KDM6A: variants seen among roughly 807,000 people sequenced by gnomAD.
KDM6A encodes the protein lysine demethylase 6A.
Under a neutral mutation model 117.6 loss-of-function variants are expected in KDM6A, and 11 were observed. That is an observed-to-expected ratio of 0.09 (90% CI 0.06 to 0.15). KDM6A has a LOEUF of 0.15. KDM6A is among the 10% of genes least tolerant of loss of function. The pLI, the probability that KDM6A is intolerant of heterozygous loss-of-function variation, is 1.00. For synonymous variants in KDM6A, 384 were observed against 396.1 expected (o/e 0.97, Z 0.36); for missense variants, 799 against 1,077.3 (o/e 0.74, Z 3.62).
chrX:44,953,932 C>T (rs2038167506), intron 2 of KDM6A, among the ~76,000 whole-genome samples: 1 of 110,050 alleles, frequency 9.1e-6, no homozygotes, highest in South Asian at 3.9e-4. Context: ...TGGCGTGTGC[C>T]TGTAGTCCCA....
At chrX:44,895,379 A>T (rs1406808455) in intron 2 of KDM6A, among the ~76,000 whole-genome samples, 1 of 107,878 alleles carries the variant, frequency 9.3e-6, no homozygotes, top group Non-Finnish European at 1.9e-5. Flanking sequence ...CGGCCTCCCA[A>T]AGTGCTGGGA....
intron 5 of KDM6A, among the ~76,000 whole-genome samples, chrX:45,016,164 A>C (rs148046892): frequency 0.014 from 1,528 of 111,297 alleles, 13 homozygotes; most frequent in Non-Finnish European, 0.02. Flanking sequence ...CATTTTTTTT[A>C]ACCTATGTGA....
rs180999863 is a variant in KDM6A at position 45,112,572 on chromosome X, A to G, written c.*1161A>G. 1.7e-4 allele frequency: 23 copies of G among 132,617 alleles called. No homozygotes were observed. The highest frequency in any genetic ancestry group is 2.0e-4 in the Non-Finnish European group (13 of 65,256). 10.9% of individuals were successfully genotyped at this position (132,617 alleles called of 1,213,427 possible). A position where few individuals can be genotyped will look rare whatever the true frequency, so the allele number is the denominator to read the frequency against. Reference sequence around the variant, plus strand: ...TTATTGTTAAGTTGCAATTACTGCAATGACAGACCAATAAACAATTGCTGC... The same window carrying G: ...TTATTGTTAAGTTGCAATTACTGCAGTGACAGACCAATAAACAATTGCTGC... On this transcript the variant is annotated 3_prime_UTR_variant, in exon 30 of 30. Coordinates refer to ENST00000611820, the MANE Select transcript of KDM6A (RefSeq NM_001291415.2).
intron 3 of KDM6A, among the ~76,000 whole-genome samples, chrX:44,967,466 T>C (rs1024168263): frequency 1.8e-5 from 2 of 111,782 alleles, no homozygotes; most frequent in African/African-American, 6.5e-5. Context: ...AGTGAACTGC[T>C]CAGGTATATG....
intron 2 of KDM6A, among the ~76,000 whole-genome samples, chrX:44,921,697 T>G (rs747642028): frequency 2.7e-5 from 3 of 111,386 alleles, no homozygotes; most frequent in Non-Finnish European, 5.7e-5. Flanking sequence ...ACATTTTGTT[T>G]AACTACTCAT....
intron 4 of KDM6A, among the ~76,000 whole-genome samples, chrX:44,979,711 T>C (rs2147291751): frequency 9.0e-6 from 1 of 111,132 alleles, no homozygotes; most frequent in East Asian, 2.8e-4. Flanking sequence ...CTGTGATACA[T>C]TTCAAGTTGT....
chrX:44,986,687 G>A (rs1270498586), intron 4 of KDM6A, among the ~76,000 whole-genome samples: 1 of 111,882 alleles, frequency 8.9e-6, no homozygotes, highest in Non-Finnish European at 1.9e-5. Flanking sequence ...TCATTCAGGA[G>A]CAGGTTGTTC....
chrX:44,902,221 T>TC (rs1266810868), intron 2 of KDM6A, among the ~76,000 whole-genome samples: 1 of 110,930 alleles, frequency 9.0e-6, no homozygotes, highest in East Asian at 2.9e-4. Flanking sequence ...GGAGTGAGAC[T>TC]CCATCTCAAA....
chrX:44,987,044 C>CT (rs1556032274), intron 4 of KDM6A, among the ~76,000 whole-genome samples: 3 of 111,362 alleles, frequency 2.7e-5, no homozygotes, highest in East Asian at 2.8e-4. Context: ...GTGTGGGAGT[C>CT]TAAGTCTCTT....
At chrX:44,934,198 T>C (rs1029735132) in intron 2 of KDM6A, among the ~76,000 whole-genome samples, 4 of 112,057 alleles carry the variant, frequency 3.6e-5, no homozygotes, top group African/African-American at 1.3e-4. Context: ...CTCATAATCC[T>C]TCCAGGTTCC....
intron 17 of KDM6A, among the ~76,000 whole-genome samples, chrX:45,064,933 A>G (rs1433447007): frequency 4.5e-5 from 5 of 111,899 alleles, no homozygotes; most frequent in African/African-American, 3.3e-5. Context: ...GAATACATCA[A>G]TAAAGAAAAT....
chrX:44,884,456 G>C (rs1464699865), intron 2 of KDM6A, among the ~76,000 whole-genome samples: 1 of 111,712 alleles, frequency 9.0e-6, no homozygotes, highest in Admixed American at 9.6e-5. Flanking sequence ...CTAGATGTGT[G>C]ATCCTTGGGC....
intron 2 of KDM6A, among the ~76,000 whole-genome samples, chrX:44,890,642 CTTTTTTT>C (rs761568154): frequency 0.041 from 1,419 of 34,618 alleles, 42 homozygotes; most frequent in African/African-American, 0.18. Context: ...TGATGTTGAA[CTTTTTTT>C]TTTTTTTTTT....
intron 4 of KDM6A, among the ~76,000 whole-genome samples, chrX:44,978,018 T>G (rs57022090): frequency 0.015 from 1,694 of 112,174 alleles, 38 homozygotes; most frequent in African/African-American, 0.052. Context: ...TTTGCTTTGT[T>G]TTTGTGTGTT....
chrX:45,043,813 A>C (rs769992034), intron 8 of KDM6A, among the ~76,000 whole-genome samples: 93 of 111,782 alleles, frequency 8.3e-4, no homozygotes, highest in Non-Finnish European at 1.2e-3. Flanking sequence ...TTCTATGTAT[A>C]TTGTCATACC....
intron 5 of KDM6A, among the ~76,000 whole-genome samples, chrX:45,012,346 G>A (rs967509517): frequency 9.4e-4 from 102 of 107,950 alleles, no homozygotes; most frequent in Middle Eastern, 4.8e-3. Context: ...GATTACAGGC[G>A]CCCGCCACCA....
chrX:45,093,441 TC>T (rs1283514644), intron 27 of KDM6A, among the ~76,000 whole-genome samples: 1 of 109,418 alleles, frequency 9.1e-6, no homozygotes. Context: ...TGGAATGAGT[TC>T]CAAGGGGTAA....
At chrX:44,897,708 A>G (rs2034010248) in intron 2 of KDM6A, among the ~76,000 whole-genome samples, 1 of 111,243 alleles carries the variant, frequency 9.0e-6, no homozygotes, top group African/African-American at 3.3e-5. Flanking sequence ...AACTAGGACA[A>G]CAGGTGTGTG....
intron 9 of KDM6A, 41 bp downstream of exon 9, chrX:45,051,843 CTT>C (rs1394589476): frequency 2.6e-6 from 2 of 777,541 alleles, no homozygotes; most frequent in Non-Finnish European, 2.0e-6. Flanking sequence ...AAGTGCTTCT[CTT>C]TATGTTTTTT....
Sources: gnomAD v4.1 joint callset for allele counts (sites outside exome capture counted in the v4.1 genomes callset) on GRCh38, gnomAD v4.1.1 for gene constraint, MANE v1.5 for transcripts, NCBI Gene and HGNC (gene_info 2026-07-23, HGNC 2026-07-21) for gene names.